Variants in CCDC186 observed in about 807,000 individuals in gnomAD.
The protein encoded by CCDC186 is coiled-coil domain-containing protein 186.
CCDC186 carries 49 observed loss-of-function variants against 113.7 expected under a neutral mutation model. That is an observed-to-expected ratio of 0.43 (90% CI 0.34 to 0.55). The LOEUF (loss-of-function observed/expected upper bound fraction) is 0.55. Ranked by LOEUF, CCDC186 falls within the 20% of genes least tolerant of loss-of-function variation. The probability of loss-of-function intolerance (pLI) is 0.02; values close to 1 mark genes in which losing one functional copy is unlikely to be tolerated. For missense variants in CCDC186, 890 were observed against 1,011.1 expected (o/e 0.88, Z 1.62); for synonymous variants, 355 against 345.8 (o/e 1.03, Z -0.30).
intron 1 of CCDC186, chr10:114,166,068 A>T: frequency 3.3e-6 from 1 of 302,738 alleles, no homozygotes; most frequent in East Asian, 1.7e-4. Flanking sequence ...GGGATTCTTA[A>T]AGGACTGCAC....
Position 114,124,996 on chromosome 10 carries a change from G to A in CCDC186, c.*147C>T. 1 of 594,722 alleles carries A rather than the reference G, an allele frequency of 1.7e-6. No homozygotes were observed. Among genetic ancestry groups the A allele is most frequent in the Non-Finnish European group, 2.9e-6 (1 of 340,886 alleles). 36.8% of individuals were successfully genotyped at this position (594,722 alleles called of 1,614,324 possible). The stretch of plus-strand genomic sequence containing the variant: ...GTATATACAGCAATGCATTCATATT[G>A]TAAAAGGGTATTTTTTTGTGTACAG... On this transcript the variant is annotated 3_prime_UTR_variant, in exon 16 of 16. Transcript: ENST00000369287.
chr10:114,151,986 C>T (rs2031870402), intron 3 of CCDC186, among the ~76,000 whole-genome samples: 1 of 152,178 alleles, frequency 6.6e-6, no homozygotes, highest in Non-Finnish European at 1.5e-5. Flanking sequence ...GAAATTCATG[C>T]TAGTTTTGCT....
chr10:114,168,046 T>G (rs556220704), intron 1 of CCDC186: 8 of 152,190 alleles, frequency 5.3e-5, no homozygotes, highest in Non-Finnish European at 4.4e-5. Context: ...GTAATTACAA[T>G]TATAGATTAT....
In CCDC186 at chr10:114,157,545, C is replaced by A; in HGVS notation, c.759+9G>T. 6.3e-7 allele frequency: 1 copy of A among 1,580,644 alleles called. No individual in the cohort carries two copies. Among genetic ancestry groups the A allele is most frequent in the South Asian group, 1.2e-5 (1 of 84,664 alleles). On this transcript the variant is annotated intron_variant, in intron 3 of 15. Coordinates refer to ENST00000369287, the MANE Select transcript of CCDC186 (RefSeq NM_018017.4). ...AAGTATAGTCTTCGAAGATTTTTGT[C>A]TTTTTTACCTGTTTAATTGTGTTCA...
At chr10:114,129,839 A>G in intron 13 of CCDC186, 52 bp downstream of exon 13, 2 of 1,552,768 alleles carry the variant, frequency 1.3e-6, no homozygotes, top group South Asian at 1.1e-5. Flanking sequence ...CAAAAATGCT[A>G]TTTATTTTTA....
intron 6 of CCDC186, among the ~76,000 whole-genome samples, chr10:114,138,442 T>C (rs1304585338): frequency 1.3e-5 from 2 of 151,390 alleles, no homozygotes; most frequent in African/African-American, 4.8e-5. Flanking sequence ...TACAAGTATG[T>C]GCCACCACAT....
chr10:114,151,954 T>C (rs1018032500), intron 3 of CCDC186, among the ~76,000 whole-genome samples: 1 of 152,136 alleles, frequency 6.6e-6, no homozygotes, highest in Non-Finnish European at 1.5e-5. Flanking sequence ...CTTCTATCCA[T>C]GAAACTGTGA....
intron 10 of CCDC186, among the ~76,000 whole-genome samples, chr10:114,134,652 G>C (rs944413084): frequency 1.3e-5 from 2 of 152,138 alleles, no homozygotes; most frequent in African/African-American, 4.8e-5. Flanking sequence ...TGAAAGCTAA[G>C]GAATGGATAA....
At chr10:114,160,291 T>C (rs1314417099) in intron 2 of CCDC186, among the ~76,000 whole-genome samples, 1 of 148,376 alleles carries the variant, frequency 6.7e-6, no homozygotes, top group East Asian at 1.9e-4. Context: ...AAAAATTTGG[T>C]TGGAACCTTA....
rs1491066704 is a variant in CCDC186 at position 114,138,072 on chromosome 10, AAT to A, written c.1222-784_1222-783del. On this transcript the variant is annotated intron_variant, in intron 6 of 15. Coordinates refer to ENST00000369287, the MANE Select transcript of CCDC186 (RefSeq NM_018017.4). ...AAAAAAAAAAAAAAAAAAAAAAAAA[AAT>A]AAAAAAAATACACAAATTAGCCAGG... Among the ~76,000 whole-genome samples the A allele has an allele frequency of 1.8e-3, 80 of 45,460 alleles. 25 individuals carry two copies. Among genetic ancestry groups the A allele is most frequent in the Non-Finnish European group, 2.4e-3 (58 of 24,292 alleles). 29.8% of individuals were successfully genotyped at this position (45,460 alleles called of 152,430 possible).
intron 1 of CCDC186, among the ~76,000 whole-genome samples, chr10:114,169,176 A>G (rs1313811462): frequency 1.3e-5 from 2 of 151,782 alleles, no homozygotes; most frequent in African/African-American, 2.4e-5. Flanking sequence ...GTATATTAAG[A>G]GAAATTTGGC....
At chr10:114,137,121 A>G in intron 7 of CCDC186, 65 bp downstream of exon 7, 2 of 1,290,530 alleles carry the variant, frequency 1.5e-6, no homozygotes, top group African/African-American at 1.5e-5. Context: ...CATCTAAAAA[A>G]AGAAAAAGAG....
chr10:114,174,182 G>A lies in CCDC186; in HGVS notation c.-229C>T, dbSNP rs544452018. On this transcript the variant is annotated 5_prime_UTR_variant, in exon 1 of 16. Transcript: ENST00000369287. ...GCGGCCGTTTCCCCAAACCCCTGCG[G>A]AGCTGACACATCAACAAAGATGGCG... 29 of 452,866 alleles carry A rather than the reference G, an allele frequency of 6.4e-5. No individual in the cohort carries two copies. In the East Asian group the frequency reaches 1.1e-3, roughly 16 times the overall value. The allele number at this position is 452,866 out of a possible 1,614,324, so 28.1% of individuals were successfully genotyped here. A position where few individuals can be genotyped will look rare whatever the true frequency, so the allele number is the denominator to read the frequency against.
chr10:114,156,597 G>T (rs1337944377), intron 3 of CCDC186, among the ~76,000 whole-genome samples: 1 of 152,072 alleles, frequency 6.6e-6, no homozygotes, highest in African/African-American at 2.4e-5. Context: ...GTGGTTGGTG[G>T]CCGCCTATAA....
Position 114,164,114 on chromosome 10 carries a change from A to ATTTTT in CCDC186, c.-61-790_-61-786dup, listed in dbSNP as rs35615169. Among the ~76,000 whole-genome samples the ATTTTT allele has an allele frequency of 8.7e-4, 69 of 79,218 alleles. 3 individuals carry two copies. The highest frequency in any genetic ancestry group is 2.1e-3 in the African/African-American group (44 of 20,532). 52.0% of individuals were successfully genotyped at this position (79,218 alleles called of 152,430 possible). On this transcript the variant is annotated intron_variant, in intron 1 of 15. Transcript: ENST00000369287. ...TGTGTGTGTGTGTGTATATATATAT[A>ATTTTT]TTTTTTTTTTTTTTTTTTTTTTTGG...
chr10:114,149,947 G>A (rs1435520945), intron 4 of CCDC186, among the ~76,000 whole-genome samples: 1 of 152,116 alleles, frequency 6.6e-6, no homozygotes, highest in Admixed American at 6.5e-5. Flanking sequence ...TACTTCTTAA[G>A]CTCTTAGGCT....
At chr10:114,164,551 T>C (rs1460132415) in intron 1 of CCDC186, among the ~76,000 whole-genome samples, 1 of 152,212 alleles carries the variant, frequency 6.6e-6, no homozygotes, top group Non-Finnish European at 1.5e-5. Flanking sequence ...AAAAAAATTG[T>C]TGACTTCTTT....
At chr10:114,160,534 C>CCA (rs1224563368) in intron 2 of CCDC186, among the ~76,000 whole-genome samples, 2 of 151,988 alleles carry the variant, frequency 1.3e-5, no homozygotes, top group Non-Finnish European at 2.9e-5. Context: ...AATGTTCTCA[C>CCA]CACACACACA....
chr10:114,174,197 C>G lies in CCDC186; in HGVS notation c.-244G>C, dbSNP rs1564923574. 2.3e-6 allele frequency: 1 copy of G among 436,606 alleles called. No homozygotes were observed. Among genetic ancestry groups the G allele is most frequent in the South Asian group, 1.7e-5 (1 of 59,424 alleles). The allele number at this position is 436,606 out of a possible 1,614,324, so 27.0% of individuals were successfully genotyped here. On this transcript the variant is annotated 5_prime_UTR_variant, in exon 1 of 16. Transcript: ENST00000369287. ...AACCCCTGCGGAGCTGACACATCAA[C>G]AAAGATGGCGGCGACACTGAAGCCG...
Sources: gnomAD v4.1 joint callset for allele counts (sites outside exome capture counted in the v4.1 genomes callset) on GRCh38, gnomAD v4.1.1 for gene constraint, MANE v1.5 for transcripts, NCBI Gene and HGNC (gene_info 2026-07-23, HGNC 2026-07-21) for gene names.